CBY2: variants seen among roughly 807,000 people sequenced by gnomAD.
CBY2 encodes protein chibby homolog 2.
A neutral mutation model predicts 25.3 loss-of-function variants in CBY2; 23 were observed. The ratio of observed to expected loss-of-function variants is 0.91; its 90% CI spans 0.65 to 1.29. The LOEUF (loss-of-function observed/expected upper bound fraction) is 1.29. CBY2 is among the 50% of genes most tolerant of loss of function. The pLI, the probability that CBY2 is intolerant of heterozygous loss-of-function variation, is 0.00. For synonymous variants in CBY2, 279 were observed against 260.2 expected (o/e 1.07, Z -0.70); for missense variants, 642 against 590.7 (o/e 1.09, Z -0.90).
In CBY2 at chr13:45,713,695, G is replaced by A; in HGVS notation, c.670G>A (p.Ala224Thr). The change falls in exon 3 of 3, where the codon GCG becomes ACG. Residue 224 changes from alanine to threonine, a missense_variant. By Grantham distance (58) the Ala-to-Thr change is moderately conservative. Coordinates refer to ENST00000310521, the MANE Select transcript of CBY2 (RefSeq NM_152719.3). This position sits in a 1 kb window ranked among gnomAD's most constrained non-coding sequence, Gnocchi z 5.0. Reference sequence around the variant, plus strand: ...CTCGCCACTGCTGCACAAAGACAGCGCGTCCCTGGAGGTGGTGAAGAAGGA... The same window carrying A: ...CTCGCCACTGCTGCACAAAGACAGCACGTCCCTGGAGGTGGTGAAGAAGGA... Reference protein sequence around the residue: ...APSPLLHKDSASLEVVKKDHV... With the variant: ...APSPLLHKDSTSLEVVKKDHV... 6.2e-7 allele frequency: 1 copy of A among 1,612,386 alleles called. No individual in the cohort carries two copies.
intron 2 of CBY2, among the ~76,000 whole-genome samples, chr13:45,711,997 G>C (rs1018527871): frequency 2.6e-5 from 4 of 152,202 alleles, no homozygotes; most frequent in African/African-American, 9.6e-5. Context: ...TAGCAGAAAA[G>C]ACTCAAGGGT....
Position 45,713,875 on chromosome 13 carries a change from GC to G in CBY2, c.855del (p.Ser286HisfsTer74). On this transcript the variant is annotated frameshift_variant, in exon 3 of 3. Coordinates refer to ENST00000310521, the MANE Select transcript of CBY2 (RefSeq NM_152719.3). LOFTEE classifies it high-confidence loss of function. This position sits in a 1 kb window ranked among gnomAD's most constrained non-coding sequence, Gnocchi z 5.0. ...CGCCCCTGCCGAGGAAAGCAAGCCCGCCCCCTCACCCCACGAGGAGCCCTGC... is the reference window on the plus strand; with the variant it reads ...CGCCCCTGCCGAGGAAAGCAAGCCCGCCCCTCACCCCACGAGGAGCCCTGC... ...TAAPAEESKP[A>X]PSPHEEPCSP... The G allele has an allele frequency of 1.2e-5, 19 of 1,524,672 alleles. No homozygotes were observed. The highest frequency in any genetic ancestry group is 1.7e-5 in the Non-Finnish European group (19 of 1,139,344). The allele number at this position is 1,524,672 out of a possible 1,614,324, so 94.4% of individuals were successfully genotyped here. A position where few individuals can be genotyped will look rare whatever the true frequency, so the allele number is the denominator to read the frequency against.
chr13:45,714,471 G>C lies in CBY2; in HGVS notation c.*99G>C, dbSNP rs1219970399. 3.7e-6 allele frequency: 4 copies of C among 1,070,934 alleles called. No homozygotes were observed. Among genetic ancestry groups the C allele is most frequent in the Non-Finnish European group, 5.3e-6 (4 of 758,338 alleles). 66.3% of individuals were successfully genotyped at this position (1,070,934 alleles called of 1,614,324 possible). On this transcript the variant is annotated 3_prime_UTR_variant, in exon 3 of 3. Coordinates refer to ENST00000310521, the MANE Select transcript of CBY2 (RefSeq NM_152719.3). The stretch of plus-strand genomic sequence containing the variant: ...TTGTCGTCCTCGCCTTCCCCAGCCA[G>C]TTCGTACCTATTGAAAAGCAGCGTT...
At position 45,713,451 on chromosome 13, in the gene CBY2, G is replaced by A. The variant is rs1271509363; in HGVS notation, c.426G>A (p.Leu142=). 3 of 1,614,212 alleles carry A rather than the reference G, an allele frequency of 1.9e-6. No homozygotes were observed. The highest frequency in any genetic ancestry group is 3.3e-5 in the Admixed American group (2 of 60,026). ...DGRWVNENCR[L]QSPYFSPSAS... is the part of the protein sequence containing the mutation. Reference sequence around the variant, plus strand: ...GCTGGGTAAATGAGAACTGCCGCCTGCAGTCTCCCTACTTCTCCCCATCCG... The same window carrying A: ...GCTGGGTAAATGAGAACTGCCGCCTACAGTCTCCCTACTTCTCCCCATCCG... Residue 142 remains leucine, a synonymous_variant, in exon 3 of 3, where the codon CTG becomes CTA. Transcript: ENST00000310521. This position sits in a 1 kb window ranked among gnomAD's most constrained non-coding sequence, Gnocchi z 5.0.
chr13:45,706,939 T>C (rs1386557080), intron 2 of CBY2, among the ~76,000 whole-genome samples: 2 of 152,216 alleles, frequency 1.3e-5, no homozygotes, highest in African/African-American at 4.8e-5. Flanking sequence ...ATACTCCACG[T>C]TGCATAGCGC....
intron 2 of CBY2, among the ~76,000 whole-genome samples, chr13:45,705,263 T>C (rs1950233356): frequency 6.6e-6 from 1 of 152,244 alleles, no homozygotes; most frequent in East Asian, 1.9e-4. Context: ...GTTCCTTTTG[T>C]ATGTAATGAT....
At chr13:45,709,049 G>C (rs1045876454) in intron 2 of CBY2, among the ~76,000 whole-genome samples, 1 of 152,186 alleles carries the variant, frequency 6.6e-6, no homozygotes, top group Admixed American at 6.5e-5. Flanking sequence ...GGCTGCTGGG[G>C]CCATAGTGGT....
intron 2 of CBY2, among the ~76,000 whole-genome samples, chr13:45,712,119 C>T (rs1014943317): frequency 3.3e-5 from 5 of 152,214 alleles, no homozygotes; most frequent in African/African-American, 1.2e-4. Flanking sequence ...ATTCATGCTG[C>T]TTCTCTGCTC....
rs1950227194 is a variant in CBY2, at chr13:45,704,156, T to C, written c.156+1301T>C. On this transcript the variant is annotated intron_variant, in intron 2 of 2. Transcript: ENST00000310521. This position sits in a 1 kb window ranked among gnomAD's most constrained non-coding sequence, Gnocchi z 4.1. The stretch of plus-strand genomic sequence containing the variant: ...AAGGAGGGGGTAGGATTTGAAAGAG[T>C]AGTGGTCATGTGATAGAGAAATTGG... Among the ~76,000 whole-genome samples, 1 of 151,296 alleles carries C rather than the reference T, an allele frequency of 6.6e-6. No individual in the cohort carries two copies. Among genetic ancestry groups the C allele is most frequent in the Admixed American group, 6.6e-5 (1 of 15,166 alleles).
At chr13:45,703,336 T>C (rs1313246995) in intron 2 of CBY2, 2 of 1,412,944 alleles carry the variant, frequency 1.4e-6, no homozygotes, top group African/African-American at 2.9e-5. Context: ...CAAAGACAGA[T>C]GTAGGGGCCA....
rs1950301317 is a variant in CBY2 at position 45,714,357 on chromosome 13, G to A, written c.1332G>A (p.Lys444=). ...CGGCCAGGAGCCAGGACCCCAAGAA[G>A]CCTAGCAGGGTCTGAGGCCTCGGCC... The part of the protein sequence containing the change: ...FMPARSQDPK[K]PSRV The change falls in exon 3 of 3, where the codon AAG becomes AAA. Residue 444 remains lysine, a synonymous_variant. Coordinates refer to ENST00000310521, the MANE Select transcript of CBY2 (RefSeq NM_152719.3). 1.2e-6 allele frequency: 2 copies of A among 1,605,524 alleles called. No individual in the cohort carries two copies. Among genetic ancestry groups the A allele is most frequent in the Non-Finnish European group, 1.7e-6 (2 of 1,175,692 alleles).
chr13:45,713,839 G>T lies in CBY2; in HGVS notation c.814G>T (p.Glu272Ter). ...EQKQAYWAQA[E>*]DTAAPAEESK... ...GAAACAGGCCTACTGGGCGCAGGCA[G>T]AGGACACGGCCGCCCCTGCCGAGGA... The change falls in exon 3 of 3, where the codon GAG (glutamate) becomes TAG (stop). Residue 272 changes from glutamate to a stop codon, truncating the protein, a stop_gained. Transcript: ENST00000310521. LOFTEE classifies it high-confidence loss of function. This position sits in a 1 kb window ranked among gnomAD's most constrained non-coding sequence, Gnocchi z 5.0. 1 of 1,528,086 alleles carries T rather than the reference G, an allele frequency of 6.5e-7. No individual in the cohort carries two copies. 94.7% of individuals were successfully genotyped at this position (1,528,086 alleles called of 1,614,324 possible).
At chr13:45,712,887 G>A (rs1472811486) in intron 2 of CBY2, among the ~76,000 whole-genome samples, 1 of 152,188 alleles carries the variant, frequency 6.6e-6, no homozygotes, top group African/African-American at 2.4e-5. Flanking sequence ...GTATTGCTTG[G>A]TTGACAAAAC....
chr13:45,706,124 G>T (rs1323360283), intron 2 of CBY2, among the ~76,000 whole-genome samples: 1 of 151,990 alleles, frequency 6.6e-6, no homozygotes, highest in Non-Finnish European at 1.5e-5. Context: ...AAGAGATTTT[G>T]GTCCTTTCAC....
At chr13:45,703,582 C>T in intron 2 of CBY2, 1 of 1,550,868 alleles carries the variant, frequency 6.4e-7, no homozygotes, top group Non-Finnish European at 8.7e-7. Flanking sequence ...TGGAGGAATC[C>T]AATGCAGAGG....
intron 2 of CBY2, chr13:45,703,619 A>G (rs754210671): frequency 4.9e-5 from 75 of 1,536,912 alleles, no homozygotes; most frequent in Non-Finnish European, 6.2e-5. Context: ...CTGTCCAGGG[A>G]TGTGTAGGAG....
At chr13:45,712,210 C>G (rs576718804) in intron 2 of CBY2, among the ~76,000 whole-genome samples, 7 of 152,324 alleles carry the variant, frequency 4.6e-5, no homozygotes, top group Non-Finnish European at 7.3e-5. Flanking sequence ...CAGAATGTGC[C>G]AGAGCCCATG....
Position 45,713,368 on chromosome 13 carries a change from G to A in CBY2, c.343G>A (p.Asp115Asn). 1 of 1,614,188 alleles carries A rather than the reference G, an allele frequency of 6.2e-7. No individual in the cohort carries two copies. Among genetic ancestry groups the A allele is most frequent in the Non-Finnish European group, 8.5e-7 (1 of 1,180,030 alleles). ...CATGTCCCAGGCCGACCTGGAGCTG[G>A]ACTACAACCCGCCGCGGGTGCAGCT... ...RPMSQADLEL[D>N]YNPPRVQLSD... Residue 115 changes from aspartate to asparagine, a missense_variant, in exon 3 of 3, where the codon GAC (aspartate) becomes AAC (asparagine). Physicochemically the swap from Asp to Asn is conservative, Grantham distance 23. Transcript: ENST00000310521. This position sits in a 1 kb window ranked among gnomAD's most constrained non-coding sequence, Gnocchi z 5.0.
intron 2 of CBY2, chr13:45,703,451 T>C: frequency 1.9e-6 from 3 of 1,542,662 alleles, no homozygotes; most frequent in Non-Finnish European, 2.6e-6. Context: ...AGTGGAGTCC[T>C]CTTGATTGAA....
Sources: gnomAD v4.1 joint callset for allele counts (sites outside exome capture counted in the v4.1 genomes callset) on GRCh38, gnomAD v4.1.1 for gene constraint, Gnocchi (gnomAD v3.1) non-coding constraint, MANE v1.5 for transcripts, NCBI Gene and HGNC (gene_info 2026-07-23, HGNC 2026-07-21) for gene names.